SLCO1C1: variants seen among roughly 807,000 people sequenced by gnomAD.
SLCO1C1 encodes the protein solute carrier organic anion transporter family member 1C1.
SLCO1C1 carries 70 observed loss-of-function variants against 76.4 expected under a neutral mutation model. The observed-to-expected ratio is 0.92, with a 90% CI of 0.76 to 1.12. SLCO1C1 has a LOEUF of 1.12. Ranked by LOEUF, SLCO1C1 falls within the 50% of genes most tolerant of loss-of-function variation. The probability of loss-of-function intolerance (pLI) is 0.00; values close to 1 mark genes in which losing one functional copy is unlikely to be tolerated. For synonymous variants in SLCO1C1, 306 were observed against 286.1 expected (o/e 1.07, Z -0.70); for missense variants, 912 against 823.8 (o/e 1.11, Z -1.31).
intron 1 of SLCO1C1, among the ~76,000 whole-genome samples, chr12:20,697,874 A>T (rs934622636): frequency 3.9e-5 from 6 of 151,926 alleles, no homozygotes; most frequent in Non-Finnish European, 5.9e-5. Context: ...AGATAATGTT[A>T]TTTTTGTCAA....
chr12:20,725,275 A>G (rs1947918579), intron 9 of SLCO1C1, among the ~76,000 whole-genome samples: 2 of 141,788 alleles, frequency 1.4e-5, no homozygotes, highest in African/African-American at 2.6e-5. Context: ...GTATTAATAT[A>G]ATATATATTA....
intron 1 of SLCO1C1, 71 bp from the exon 2 acceptor site, chr12:20,699,481 C>G (rs561437915): frequency 7.9e-7 from 1 of 1,267,202 alleles, no homozygotes; most frequent in East Asian, 2.7e-5. Context: ...TTGTGGTATA[C>G]TGTTGAATAA....
intron 13 of SLCO1C1, among the ~76,000 whole-genome samples, chr12:20,746,551 A>G (rs1036300654): frequency 6.6e-6 from 1 of 152,170 alleles, no homozygotes; most frequent in African/African-American, 2.4e-5. Context: ...GCAACTTCAT[A>G]ATGGAGGGAT....
chr12:20,740,048 G>T (rs1435137014), intron 11 of SLCO1C1, 136 bp from the exon 12 acceptor site: 5 of 876,934 alleles, frequency 5.7e-6, no homozygotes, highest in Non-Finnish European at 8.5e-6. Flanking sequence ...TCAATATACT[G>T]TAATACAAAA....
chr12:20,710,776 G>A (rs966156163), intron 4 of SLCO1C1, among the ~76,000 whole-genome samples: 1 of 152,076 alleles, frequency 6.6e-6, no homozygotes, highest in African/African-American at 2.4e-5. Flanking sequence ...TCTAAATAAA[G>A]TATTCTGATG....
At chr12:20,749,011 T>C (rs1949173418) in intron 13 of SLCO1C1, among the ~76,000 whole-genome samples, 1 of 152,196 alleles carries the variant, frequency 6.6e-6, no homozygotes. Context: ...TTCCCAAAAA[T>C]CTTTCACCCA....
At position 20,717,232 on chromosome 12, in the gene SLCO1C1, T is replaced by C. The variant is rs772699128; in HGVS notation, c.775+2T>C. 7 of 1,578,130 alleles carry C rather than the reference T, an allele frequency of 4.4e-6. No homozygotes were observed. The highest frequency in any genetic ancestry group is 6.0e-6 in the Non-Finnish European group (7 of 1,168,132). On this transcript the variant is annotated splice_donor_variant, in intron 7 of 14. Transcript: ENST00000266509. LOFTEE classifies it high-confidence loss of function. ...TTGACATTGGCTTTGTAAACCTAGG[T>C]AAGGAAGTTTATTTTTTATTTATTC...
At chr12:20,724,078 G>A (rs997286037) in intron 9 of SLCO1C1, among the ~76,000 whole-genome samples, 2 of 151,988 alleles carry the variant, frequency 1.3e-5, no homozygotes, top group Non-Finnish European at 2.9e-5. Flanking sequence ...ATAATTGACA[G>A]TTTTAAAAGA....
At chr12:20,699,449 A>C (rs1414455716) in intron 1 of SLCO1C1, 103 bp from the exon 2 acceptor site, 6 of 959,452 alleles carry the variant, frequency 6.3e-6, no homozygotes, top group Non-Finnish European at 8.7e-6. Flanking sequence ...AGGTAGATTC[A>C]CTTTAAATTG....
intron 2 of SLCO1C1, among the ~76,000 whole-genome samples, chr12:20,700,612 C>T (rs1416852320): frequency 1.3e-5 from 2 of 151,616 alleles, no homozygotes; most frequent in East Asian, 1.9e-4. Context: ...CCCAATCCCC[C>T]GAGAATAGTT....
rs1174794030 is a variant in SLCO1C1 at position 20,752,486 on chromosome 12, G to A, written c.2097G>A (p.Leu699=). ...QKENYTTSDH[L]LQPNYWPGKE... is the part of the protein sequence containing the mutation. The stretch of plus-strand genomic sequence containing the variant: ...AAAATTACACTACAAGTGATCATCT[G>A]CTACAACCCAACTACTGGCCAGGCA... Residue 699 remains leucine, a synonymous_variant, in exon 15 of 15, where the codon CTG becomes CTA. Coordinates refer to ENST00000266509, the MANE Select transcript of SLCO1C1 (RefSeq NM_017435.5). 4 of 1,608,394 alleles carry A rather than the reference G, an allele frequency of 2.5e-6. No individual in the cohort carries two copies. In the Admixed American group the frequency reaches 6.7e-5, roughly 27 times the overall value.
At chr12:20,712,832 A>T (rs1026689471) in intron 5 of SLCO1C1, among the ~76,000 whole-genome samples, 1 of 152,196 alleles carries the variant, frequency 6.6e-6, no homozygotes. Context: ...AAGCACAGAA[A>T]TGTAAAAAGT....
At chr12:20,697,303 A>G (rs1430396998) in intron 1 of SLCO1C1, 7 of 152,102 alleles carry the variant, frequency 4.6e-5, no homozygotes, top group Non-Finnish European at 1.5e-5. Flanking sequence ...ATATAATTTA[A>G]TCCTTTGAAG....
At chr12:20,720,606 T>C (rs1947614821) in intron 7 of SLCO1C1, among the ~76,000 whole-genome samples, 2 of 152,198 alleles carry the variant, frequency 1.3e-5, no homozygotes, top group Non-Finnish European at 2.9e-5. Context: ...TTGAACACTT[T>C]AGTGGAGAAA....
intron 3 of SLCO1C1, among the ~76,000 whole-genome samples, chr12:20,705,662 A>G (rs1172944049): frequency 6.6e-6 from 1 of 152,128 alleles, no homozygotes; most frequent in Non-Finnish European, 1.5e-5. Context: ...GGAGCCTTCT[A>G]GAATTTGACT....
Position 20,709,700 on chromosome 12 carries a change from T to C in SLCO1C1, c.405-1686T>C. On this transcript the variant is annotated intron_variant, in intron 4 of 14. Coordinates refer to ENST00000266509, the MANE Select transcript of SLCO1C1 (RefSeq NM_017435.5). ...ATCGAGACCATCCTGGCTAACAAGG[T>C]GAAACCCCGTCTCTACTAAAAATAC... 9.6e-5 allele frequency among the ~76,000 whole-genome samples: 2 copies of C among 20,914 alleles called. 1 individual carries two copies. The highest frequency in any genetic ancestry group is 5.7e-4 in the Admixed American group (2 of 3,534). 13.7% of individuals were successfully genotyped at this position (20,914 alleles called of 152,430 possible). A position where few individuals can be genotyped will look rare whatever the true frequency, so the allele number is the denominator to read the frequency against.
intron 10 of SLCO1C1, among the ~76,000 whole-genome samples, chr12:20,735,177 C>CT (rs1948481930): frequency 6.6e-6 from 1 of 152,068 alleles, no homozygotes; most frequent in South Asian, 2.1e-4. Context: ...TTCCATGTTG[C>CT]TTTATTCCAA....
At position 20,706,045 on chromosome 12, in the gene SLCO1C1, C is replaced by G; in HGVS notation, c.368C>G (p.Thr123Arg). Reference sequence around the variant, plus strand: ...GGGTGTGTAATCATGGGAGTTGGAACACTGCTCATTGCAATGCCTCAGTTC... The same window carrying G: ...GGGTGTGTAATCATGGGAGTTGGAAGACTGCTCATTGCAATGCCTCAGTTC... Reference protein sequence around the residue: ...GAGCVIMGVGTLLIAMPQFFM... With the variant: ...GAGCVIMGVGRLLIAMPQFFM... The change falls in exon 4 of 15, where the codon ACA (threonine) becomes AGA (arginine). Residue 123 changes from threonine to arginine, a missense_variant. Transcript: ENST00000266509. 1 of 1,613,156 alleles carries G rather than the reference C, an allele frequency of 6.2e-7. No homozygotes were observed. The highest frequency in any genetic ancestry group is 1.1e-5 in the South Asian group (1 of 91,000).
At chr12:20,732,138 G>T (rs1462242912) in intron 9 of SLCO1C1, among the ~76,000 whole-genome samples, 1 of 152,106 alleles carries the variant, frequency 6.6e-6, no homozygotes, top group Admixed American at 6.5e-5. Context: ...TAGTGAGGCT[G>T]CACATCTATC....
Sources: gnomAD v4.1 joint callset for allele counts (sites outside exome capture counted in the v4.1 genomes callset) on GRCh38, gnomAD v4.1.1 for gene constraint, MANE v1.5 for transcripts, NCBI Gene and HGNC (gene_info 2026-07-23, HGNC 2026-07-21) for gene names.